RIMS2: variants seen among roughly 807,000 people sequenced by gnomAD.
RIMS2 encodes regulating synaptic membrane exocytosis protein 2.
In RIMS2, 59 loss-of-function variants were observed where a neutral mutation model predicts 174.4. The ratio of observed to expected loss-of-function variants is 0.34; its 90% CI spans 0.27 to 0.42. The LOEUF (loss-of-function observed/expected upper bound fraction) is 0.42, where lower values mean the gene tolerates loss of function less well. Ranked by LOEUF, RIMS2 falls within the 10% of genes least tolerant of loss-of-function variation. The pLI is 1.00. For synonymous variants in RIMS2, 606 were observed against 572.5 expected, an observed-to-expected ratio of 1.06 and a Z score of -0.84; for missense variants, 1,620 against 1,666.3, an observed-to-expected ratio of 0.97 and a Z score of 0.48.
At chr8:104,249,400 A>G in intron 21 of RIMS2, 87 bp from the exon 28 acceptor site, 1 of 622,892 alleles carries the variant, frequency 1.6e-6, no homozygotes, top group East Asian at 2.8e-5. Flanking sequence ...GGAAATGATG[A>G]AACGATGTTA....
At chr8:103,998,035 A>G in intron 17 of RIMS2, 1 of 574,610 alleles carries the variant, frequency 1.7e-6, no homozygotes, top group South Asian at 2.3e-5. Flanking sequence ...GAACATTGGG[A>G]GGAGGGGGCA....
chr8:104,243,284 A>G (rs1283351451), intron 19 of RIMS2, among the ~76,000 whole-genome samples: 11 of 152,226 alleles, frequency 7.2e-5, no homozygotes, highest in Admixed American at 2.6e-4. Flanking sequence ...GAAGTAGAGA[A>G]TGGATGAAAT....
chr8:103,503,761 C>A, intron 1 of RIMS2, among the ~76,000 whole-genome samples: 1 of 151,718 alleles, frequency 6.6e-6, no homozygotes, highest in Non-Finnish European at 1.5e-5. Context: ...GGAATTTGAA[C>A]CTTATTAATA....
At chr8:103,548,212 CA>C (rs1035644276) in intron 1 of RIMS2, among the ~76,000 whole-genome samples, 1 of 151,964 alleles carries the variant, frequency 6.6e-6, no homozygotes. Context: ...ACAACAACAG[CA>C]AAAAAACTTC....
chr8:104,158,975 C>T (rs1433035834), intron 19 of RIMS2, among the ~76,000 whole-genome samples: 5 of 152,240 alleles, frequency 3.3e-5, no homozygotes, highest in Non-Finnish European at 7.4e-5. Flanking sequence ...TTGCCCATGC[C>T]TATATCCTGA....
Position 104,238,688 on chromosome 8 carries a change from C to T in RIMS2, c.3335-6228C>T, listed in dbSNP as rs188915557. On this transcript the variant is annotated intron_variant, in intron 19 of 23. Coordinates refer to ENST00000504942, the Ensembl canonical transcript of RIMS2. The stretch of plus-strand genomic sequence containing the variant: ...ACTCAGGACCTCAACTTTCTCATTG[C>T]TGCAATAAGGGAGTGCATAAACTAC... Among the ~76,000 whole-genome samples the T allele has an allele frequency of 1.8e-4, 28 of 152,222 alleles. 1 individual carries two copies. In the East Asian group the frequency reaches 5.4e-3, roughly 29 times the overall value.
intron 2 of RIMS2, among the ~76,000 whole-genome samples, chr8:103,760,774 T>A (rs1376398211): frequency 6.6e-6 from 1 of 152,262 alleles, no homozygotes; most frequent in Non-Finnish European, 1.5e-5. Context: ...GTCTCCCTAG[T>A]ACACTTTATA....
chr8:103,911,684 AT>A (rs2075703381), intron 5 of RIMS2, among the ~76,000 whole-genome samples: 1 of 152,192 alleles, frequency 6.6e-6, no homozygotes, highest in Non-Finnish European at 1.5e-5. Flanking sequence ...CTTGCGTAGA[AT>A]TTCAATGCAT....
intron 1 of RIMS2, among the ~76,000 whole-genome samples, chr8:103,604,479 C>T (rs1312726980): frequency 1.4e-4 from 21 of 151,750 alleles, no homozygotes; most frequent in South Asian, 2.1e-4. Context: ...CTTGGCAACG[C>T]GGGCTCTTTT....
At chr8:103,635,290 C>A (rs1425217526) in intron 1 of RIMS2, among the ~76,000 whole-genome samples, 1 of 152,184 alleles carries the variant, frequency 6.6e-6, no homozygotes, top group Non-Finnish European at 1.5e-5. Context: ...ATTTTCTTAT[C>A]TGAAAAGACA....
chr8:103,781,000 T>C (rs992321433), intron 3 of RIMS2, among the ~76,000 whole-genome samples: 1 of 152,174 alleles, frequency 6.6e-6, no homozygotes, highest in Non-Finnish European at 1.5e-5. Flanking sequence ...AATGATTGGG[T>C]TGCTGCCCAT....
chr8:103,519,554 A>T (rs1333926537), intron 1 of RIMS2, among the ~76,000 whole-genome samples: 2 of 151,764 alleles, frequency 1.3e-5, no homozygotes, highest in African/African-American at 2.4e-5. Context: ...TCTCTGATTC[A>T]TGGTTAATCT....
chr8:104,115,858 C>T (rs937147143), intron 19 of RIMS2, among the ~76,000 whole-genome samples: 6 of 152,178 alleles, frequency 3.9e-5, no homozygotes, highest in African/African-American at 7.2e-5. Flanking sequence ...GACAGATCTG[C>T]TGTTTCAGGA....
At chr8:103,985,868 A>G (rs1374948261) in intron 16 of RIMS2, among the ~76,000 whole-genome samples, 1 of 152,236 alleles carries the variant, frequency 6.6e-6, no homozygotes, top group Admixed American at 6.5e-5. Context: ...AGCCAGGTAT[A>G]GAAAATAAAT....
intron 14 of RIMS2, among the ~76,000 whole-genome samples, chr8:103,950,636 C>T (rs1354002866): frequency 6.6e-6 from 1 of 152,142 alleles, no homozygotes; most frequent in African/African-American, 2.4e-5. Flanking sequence ...GGAACTTCCT[C>T]AATCCAATAA....
At chr8:104,232,713 T>C (rs140778492) in intron 19 of RIMS2, among the ~76,000 whole-genome samples, 3 of 152,316 alleles carry the variant, frequency 2.0e-5, no homozygotes, top group African/African-American at 7.2e-5. Flanking sequence ...ACTACCCTCA[T>C]TGGAATGAAA....
intron 19 of RIMS2, among the ~76,000 whole-genome samples, chr8:104,187,518 C>T (rs2098974555): frequency 6.6e-6 from 1 of 151,726 alleles, no homozygotes; most frequent in Non-Finnish European, 1.5e-5. Flanking sequence ...TCACTACATT[C>T]ATATCTAGCA....
chr8:104,032,148 A>C (rs2096408526), intron 19 of RIMS2, among the ~76,000 whole-genome samples: 1 of 152,046 alleles, frequency 6.6e-6, no homozygotes, highest in African/African-American at 2.4e-5. Context: ...ATACTATCTA[A>C]AGTTTGTCTT....
At chr8:103,784,099 A>G (rs1371134087) in intron 3 of RIMS2, among the ~76,000 whole-genome samples, 3 of 148,140 alleles carry the variant, frequency 2.0e-5, no homozygotes, top group East Asian at 4.0e-4. Flanking sequence ...TCCTTCGCCC[A>G]CTTTTTGATG....
Sources: allele counts gnomAD v4.1 joint callset (sites outside exome capture counted in the v4.1 genomes callset), GRCh38; gene constraint gnomAD v4.1.1; transcripts MANE v1.5; gene names NCBI Gene and HGNC (gene_info 2026-07-23, HGNC 2026-07-21).